Variants in SCUBE1 observed in about 807,000 individuals in gnomAD.
SCUBE1 encodes the protein signal peptide, CUB and EGF-like domain-containing protein 1.
A neutral mutation model predicts 124.4 loss-of-function variants in SCUBE1; 59 were observed. That is an observed-to-expected ratio of 0.47 (90% CI 0.38 to 0.59). SCUBE1 has a LOEUF of 0.59. SCUBE1 is among the 20% of genes least tolerant of loss of function. SCUBE1 has a pLI of 0.00. For missense variants in SCUBE1, 1,150 were observed against 1,371.2 expected (o/e 0.84, Z 2.55); for synonymous variants, 545 against 550.9 (o/e 0.99, Z 0.15).
At chr22:43,206,897 A>G (rs987430043) in intron 21 of SCUBE1, among the ~76,000 whole-genome samples, 2 of 152,198 alleles carry the variant, frequency 1.3e-5, no homozygotes, top group Non-Finnish European at 2.9e-5. Context: ...CGTGACTGGC[A>G]GACTATGGGG....
intron 1 of SCUBE1, among the ~76,000 whole-genome samples, chr22:43,342,847 G>C (rs944229460): frequency 6.7e-6 from 1 of 149,740 alleles, no homozygotes; most frequent in African/African-American, 2.5e-5. Context: ...GCCCCTCTGC[G>C]CTCGGGGTCC....
At chr22:43,230,019 G>A (rs565531944) in intron 8 of SCUBE1, among the ~76,000 whole-genome samples, 57 of 152,310 alleles carry the variant, frequency 3.7e-4, no homozygotes, top group Non-Finnish European at 7.1e-4. Context: ...TGTAATATAC[G>A]CGTATTTATA....
rs1389182120 is a variant in SCUBE1, at chr22:43,211,507, G to T, written c.2222-424C>A. 6.6e-6 allele frequency among the ~76,000 whole-genome samples: 1 copy of T among 151,630 alleles called. No homozygotes were observed. Among genetic ancestry groups the T allele is most frequent in the African/African-American group, 2.4e-5 (1 of 41,170 alleles). The stretch of plus-strand genomic sequence containing the variant: ...TGAGGGGTGCCGGGGCGGGGGGCTA[G>T]AGATGGGCAATTCTTTTTTTTTTTT... On this transcript the variant is annotated intron_variant, in intron 17 of 21. Transcript: ENST00000360835. This position sits in a 1 kb window ranked among gnomAD's most constrained non-coding sequence, Gnocchi z 4.5.
chr22:43,307,391 C>T (rs529175190), intron 3 of SCUBE1, among the ~76,000 whole-genome samples: 4 of 152,190 alleles, frequency 2.6e-5, no homozygotes, highest in African/African-American at 4.8e-5. Flanking sequence ...GAGGAAAGGG[C>T]GGGATGGTTA....
At chr22:43,339,378 TC>T in intron 1 of SCUBE1, 143 bp from the exon 2 acceptor site, 4 of 769,342 alleles carry the variant, frequency 5.2e-6, no homozygotes, top group Non-Finnish European at 8.2e-6. Flanking sequence ...CACAGGACAA[TC>T]TGGTGTGACA....
At chr22:43,267,939 G>A (rs115848995) in intron 4 of SCUBE1, among the ~76,000 whole-genome samples, 1 of 152,246 alleles carries the variant, frequency 6.6e-6, no homozygotes, top group Non-Finnish European at 1.5e-5. Flanking sequence ...CACGTGAGGT[G>A]CTGGGTTCCA....
chr22:43,319,850 A>G, intron 3 of SCUBE1, 87 bp downstream of exon 3: 1 of 1,504,336 alleles, frequency 6.6e-7, no homozygotes, highest in South Asian at 1.3e-5. Context: ...AGGAAGGAGA[A>G]CCTTCTCATG....
chr22:43,229,346 TTGC>T (rs1429677754), intron 8 of SCUBE1, among the ~76,000 whole-genome samples, 158 bp from the exon 9 acceptor site: 1 of 152,242 alleles, frequency 6.6e-6, no homozygotes, highest in East Asian at 1.9e-4. Context: ...GGGAGACTCC[TTGC>T]TGCTCGACTT....
chr22:43,218,182 A>G, intron 15 of SCUBE1, 73 bp downstream of exon 15: 2 of 1,475,172 alleles, frequency 1.4e-6, no homozygotes, highest in Non-Finnish European at 1.9e-6. Context: ...CTGCGTGCCC[A>G]CCACTGTTTA....
chr22:43,296,350 C>T (rs1042466424), intron 3 of SCUBE1, among the ~76,000 whole-genome samples: 2 of 152,190 alleles, frequency 1.3e-5, no homozygotes, highest in Non-Finnish European at 2.9e-5. Flanking sequence ...TGTTTCCAAT[C>T]CGGGGTCCAG....
rs80235652 is a variant in SCUBE1, at chr22:43,197,871, G to T, written c.*6126C>A. ...AATGTCACTGAAGTCACCCTGGCCC[G>T]GGATCCTCCTGTTCTCTCCCCTCCC... On this transcript the variant is annotated 3_prime_UTR_variant, in exon 22 of 22. Coordinates refer to ENST00000360835, the MANE Select transcript of SCUBE1 (RefSeq NM_173050.5). The T allele has an allele frequency of 0.04, 6,110 of 152,330 alleles. 164 individuals carry two copies. The highest frequency in any genetic ancestry group is 0.089 in the South Asian group (430 of 4,830). 9.4% of individuals were successfully genotyped at this position (152,330 alleles called of 1,614,324 possible).
Position 43,255,727 on chromosome 22 carries a change from A to G in SCUBE1, c.727+2492T>C. Reference sequence around the variant, plus strand: ...GCATCCTCGCCAAGGGGCTAATCCCAGGAACCTCCAAGGTGGGGGTGTTCA... The same window carrying G: ...GCATCCTCGCCAAGGGGCTAATCCCGGGAACCTCCAAGGTGGGGGTGTTCA... On this transcript the variant is annotated intron_variant, in intron 6 of 21. Transcript: ENST00000360835. The surrounding 1 kb of genome is among the most constrained non-coding windows in gnomAD (Gnocchi z 4.7). 1.4e-6 allele frequency: 1 copy of G among 695,948 alleles called. No homozygotes were observed. Among genetic ancestry groups the G allele is most frequent in the Non-Finnish European group, 2.5e-6 (1 of 402,528 alleles). The allele number at this position is 695,948 out of a possible 1,614,324, so 43.1% of individuals were successfully genotyped here. A position where few individuals can be genotyped will look rare whatever the true frequency, so the allele number is the denominator to read the frequency against.
intron 3 of SCUBE1, among the ~76,000 whole-genome samples, chr22:43,307,403 G>A (rs1011064173): frequency 6.6e-6 from 1 of 152,238 alleles, no homozygotes; most frequent in African/African-American, 2.4e-5. Flanking sequence ...GGATGGTTAT[G>A]GAGAGGAAAA....
At chr22:43,342,358 G>A (rs1401923984) in intron 1 of SCUBE1, among the ~76,000 whole-genome samples, 1 of 151,882 alleles carries the variant, frequency 6.6e-6, no homozygotes, top group Non-Finnish European at 1.5e-5. Flanking sequence ...TCCCGCGTCC[G>A]GACTCTCCTC....
intron 3 of SCUBE1, among the ~76,000 whole-genome samples, chr22:43,296,763 G>C (rs1352412932): frequency 2.2e-5 from 3 of 134,724 alleles, no homozygotes; most frequent in Non-Finnish European, 5.0e-5. Context: ...CCCTCTTCCG[G>C]GCCAAGGCTG....
At chr22:43,307,259 G>C (rs956774504) in intron 3 of SCUBE1, among the ~76,000 whole-genome samples, 1 of 152,214 alleles carries the variant, frequency 6.6e-6, no homozygotes, top group African/African-American at 2.4e-5. Flanking sequence ...TCTTCTCTAG[G>C]GGTTGACGCC....
At chr22:43,290,991 T>TG in intron 4 of SCUBE1, 55 bp downstream of exon 4, 1 of 1,507,560 alleles carries the variant, frequency 6.6e-7, no homozygotes, top group Non-Finnish European at 9.0e-7. Flanking sequence ...AAGGGGACTC[T>TG]GGGGGCTGCC....
At position 43,218,447 on chromosome 22, in the gene SCUBE1, C is replaced by T. The variant is rs2146665011; in HGVS notation, c.1699G>A (p.Ala567Thr). 1 of 1,611,586 alleles carries T rather than the reference C, an allele frequency of 6.2e-7. No individual in the cohort carries two copies. Among genetic ancestry groups the T allele is most frequent in the Non-Finnish European group, 8.5e-7 (1 of 1,179,990 alleles). ...KMEEASDTCE[A>T]DCLRKRAEQS... is the part of the protein sequence containing the mutation. ...TCTGCTCGCTTCCGCAAGCAGTCCG[C>T]TTCGCATGTGTCTGCAGGGGCAGGA... is the stretch of plus-strand genomic sequence containing the variant. The change falls in exon 15 of 22, where the codon GCG (alanine) becomes ACG (threonine). Residue 567 changes from alanine to threonine, a missense_variant. By Grantham distance (58) the Ala-to-Thr change is moderately conservative (BLOSUM62 0). Coordinates refer to ENST00000360835, the MANE Select transcript of SCUBE1 (RefSeq NM_173050.5).
intron 4 of SCUBE1, among the ~76,000 whole-genome samples, chr22:43,284,728 G>A (rs561900702): frequency 6.6e-6 from 1 of 152,276 alleles, no homozygotes; most frequent in South Asian, 2.1e-4. Context: ...ACGCAAGCAT[G>A]CATTGGATGC....
Sources: gnomAD v4.1 joint callset for allele counts (sites outside exome capture counted in the v4.1 genomes callset) on GRCh38, gnomAD v4.1.1 for gene constraint, Gnocchi (gnomAD v3.1) non-coding constraint, MANE v1.5 for transcripts, NCBI Gene and HGNC (gene_info 2026-07-23, HGNC 2026-07-21) for gene names.